Variants in MGRN1 observed in about 807,000 individuals in gnomAD.
MGRN1 encodes the protein mahogunin ring finger 1.
Under a neutral mutation model 69.2 loss-of-function variants are expected in MGRN1, and 29 were observed. That is an observed-to-expected ratio of 0.42 (90% CI 0.31 to 0.57). MGRN1 has a LOEUF of 0.57. Among genes scored for constraint, MGRN1 ranks in the 20% least tolerant of loss-of-function variants. The probability of loss-of-function intolerance (pLI) is 0.15; values close to 1 mark genes in which losing one functional copy is unlikely to be tolerated. For synonymous variants in MGRN1, 470 were observed against 344.2 expected (o/e 1.37, Z -4.04); for missense variants, 998 against 796.2 (o/e 1.25, Z -3.05).
intron 1 of MGRN1, among the ~76,000 whole-genome samples, chr16:4,644,744 T>A (rs568431233): frequency 6.6e-6 from 1 of 152,362 alleles, no homozygotes; most frequent in Non-Finnish European, 1.5e-5. Flanking sequence ...AATTAATGAT[T>A]CATCACCTCA....
chr16:4,683,299 G>A (rs377214023), intron 15 of MGRN1, 30 bp downstream of exon 15: 42 of 1,612,244 alleles, frequency 2.6e-5, no homozygotes, highest in African/African-American at 5.3e-5. Flanking sequence ...GGCACAAACC[G>A]CATGCAGGGA....
At chr16:4,677,652 A>G in intron 11 of MGRN1, 80 bp downstream of exon 11, 1 of 1,337,628 alleles carries the variant, frequency 7.5e-7, no homozygotes, top group Non-Finnish European at 1.0e-6. Context: ...CAGACGGTCC[A>G]GCCAGCAGCC....
rs765781584 is a variant in MGRN1 at position 4,652,831 on chromosome 16, C to A, written c.443+7C>A. The A allele has an allele frequency of 1.3e-6, 2 of 1,590,980 alleles. No individual in the cohort carries two copies. The highest frequency in any genetic ancestry group is 1.3e-5 in the African/African-American group (1 of 74,544). On this transcript the variant is annotated splice_region_variant and intron_variant, in intron 4 of 16. Coordinates refer to ENST00000262370, the MANE Select transcript of MGRN1 (RefSeq NM_015246.4). ...TCCTGAACGGCAGGGCAGTGTGAGTCCCGCGGGCGGCTGGCACCGGCCTGG... is the reference window on the plus strand; with the variant it reads ...TCCTGAACGGCAGGGCAGTGTGAGTACCGCGGGCGGCTGGCACCGGCCTGG...
chr16:4,646,548 C>T (rs2078278238), intron 1 of MGRN1, among the ~76,000 whole-genome samples: 1 of 152,126 alleles, frequency 6.6e-6, no homozygotes, highest in East Asian at 1.9e-4. Flanking sequence ...CTCAGGTCCT[C>T]CCCTCGGGAC....
At position 4,627,080 on chromosome 16, in the gene MGRN1, G is replaced by T. The variant is rs80092895; in HGVS notation, c.88+2032G>T. 9.4e-3 allele frequency among the ~76,000 whole-genome samples: 1,435 copies of T among 152,310 alleles called. 18 individuals are homozygous for T. The highest frequency in any genetic ancestry group is 0.032 in the African/African-American group (1,335 of 41,554). ...CTCCTGTCTCCTTAATGAGAACTCC[G>T]TCAGGTCAAGGGTGGGAGGCAGGCC... On this transcript the variant is annotated intron_variant, in intron 1 of 16. Coordinates refer to ENST00000262370, the MANE Select transcript of MGRN1 (RefSeq NM_015246.4).
chr16:4,673,507 G>T lies in MGRN1; in HGVS notation c.805G>T (p.Asp269Tyr), dbSNP rs753220982. 1 of 1,612,646 alleles carries T rather than the reference G, an allele frequency of 6.2e-7. No homozygotes were observed. Among genetic ancestry groups the T allele is most frequent in the Non-Finnish European group, 8.5e-7 (1 of 1,179,928 alleles). ...KNNQETKPSD[D>Y]ENSDNSNECV... is the part of the protein sequence containing the mutation. ...GCCCTTGTCCCGGCAGCCCTCGGAC[G>T]ACGAGAACAGCGACAACAGCAACGA... The change falls in exon 10 of 17, where the codon GAC (aspartate) becomes TAC (tyrosine). Residue 269 changes from aspartate (D) to tyrosine (Y), a missense_variant. Physicochemically the swap from Asp to Tyr is radical, Grantham distance 160. Transcript: ENST00000262370.
In MGRN1 at chr16:4,665,479, C is replaced by T. The variant is rs149628605; in HGVS notation, c.678+328C>T. Among the ~76,000 whole-genome samples, 180 of 151,784 alleles carry T rather than the reference C, an allele frequency of 1.2e-3. 2 individuals carry two copies. The highest frequency in any genetic ancestry group is 4.0e-3 in the African/African-American group (164 of 41,334). ...TGCCTCCTGGGTTCAAGCGATTCTC[C>T]CACCTCAACCTCCCGAGTACCTGGG... On this transcript the variant is annotated intron_variant, in intron 7 of 16. Coordinates refer to ENST00000262370, the MANE Select transcript of MGRN1 (RefSeq NM_015246.4).
intron 4 of MGRN1, among the ~76,000 whole-genome samples, chr16:4,653,206 T>C (rs1233642868): frequency 1.3e-5 from 2 of 152,196 alleles, no homozygotes; most frequent in African/African-American, 4.8e-5. Flanking sequence ...GAGTTGCTAG[T>C]GTGGCTCACA....
intron 9 of MGRN1, 121 bp from the exon 10 acceptor site, chr16:4,673,377 T>C: frequency 7.4e-7 from 1 of 1,347,864 alleles, no homozygotes; most frequent in Non-Finnish European, 1.0e-6. Flanking sequence ...CCTCTGGACT[T>C]CTCTTTGTCA....
At chr16:4,638,116 C>G (rs2078071351) in intron 1 of MGRN1, among the ~76,000 whole-genome samples, 1 of 152,144 alleles carries the variant, frequency 6.6e-6, no homozygotes, top group South Asian at 2.1e-4. Context: ...TGTTAATTGG[C>G]ATTTTTTATC....
chr16:4,681,722 A>G lies in MGRN1; in HGVS notation c.1304A>G (p.His435Arg). Residue 435 changes from histidine to arginine, a missense_variant, in exon 13 of 17, where the codon CAC (histidine) becomes CGC (arginine). Transcript: ENST00000262370. The part of the protein sequence containing the change: ...QASCPLAAID[H>R]ILDSSRQKGR... Reference sequence around the variant, plus strand: ...AGCTGTCCCCTCGCGGCTATCGACCACATCCTGGACAGCAGCCGCCAGAAG... The same window carrying G: ...AGCTGTCCCCTCGCGGCTATCGACCGCATCCTGGACAGCAGCCGCCAGAAG... 6.2e-7 allele frequency: 1 copy of G among 1,612,996 alleles called. No homozygotes were observed. The highest frequency in any genetic ancestry group is 1.3e-5 in the African/African-American group (1 of 75,060).
At chr16:4,637,049 G>C (rs142528995) in intron 1 of MGRN1, among the ~76,000 whole-genome samples, 1,682 of 149,274 alleles carry the variant, frequency 0.011, 31 homozygotes, top group African/African-American at 0.039. Flanking sequence ...AACCTGGGAG[G>C]TGGAGCTTGC....
chr16:4,662,492 G>A (rs927534910), intron 5 of MGRN1, among the ~76,000 whole-genome samples: 59 of 151,648 alleles, frequency 3.9e-4, no homozygotes, highest in African/African-American at 1.4e-3. Context: ...CTCCATCCTG[G>A]GTAACAGATC....
At chr16:4,665,285 G>A in intron 7 of MGRN1, 134 bp downstream of exon 7, 1 of 889,124 alleles carries the variant, frequency 1.1e-6, no homozygotes, top group Non-Finnish European at 1.8e-6. Context: ...GGGCAGGTTG[G>A]GGCGTGTCTG....
chr16:4,663,365 G>GC (rs1350130864), intron 5 of MGRN1, among the ~76,000 whole-genome samples: 1 of 61,804 alleles, frequency 1.6e-5, no homozygotes, highest in African/African-American at 5.8e-5. Context: ...ACCTGGCCTT[G>GC]TTTTTTTTTT....
chr16:4,685,608 C>T (rs998007766), intron 16 of MGRN1, among the ~76,000 whole-genome samples: 1 of 152,242 alleles, frequency 6.6e-6, no homozygotes, highest in African/African-American at 2.4e-5. Context: ...CCACGGAGAG[C>T]ACATGTGCCT....
chr16:4,688,754 G>C, intron 16 of MGRN1, 42 bp from the exon 17 acceptor site: 1 of 1,513,144 alleles, frequency 6.6e-7, no homozygotes, highest in Non-Finnish European at 8.9e-7. Flanking sequence ...CGTGGCACCA[G>C]GCATCCGAGT....
At chr16:4,687,001 A>G in intron 16 of MGRN1, 2 of 985,514 alleles carry the variant, frequency 2.0e-6, no homozygotes, top group Non-Finnish European at 2.4e-6. Context: ...CCGCTCACAC[A>G]GCCACCTGCT....
At position 4,659,675 on chromosome 16, in the gene MGRN1, G is replaced by A. The variant is rs925402812; in HGVS notation, c.561+2312G>A. ...CTGTGGATGGCCACGCTGAGTTGGC[G>A]CACATAAGGGGCAGCTGCTGCTGCG... On this transcript the variant is annotated intron_variant, in intron 5 of 16. Transcript: ENST00000262370. 2.6e-4 allele frequency among the ~76,000 whole-genome samples: 40 copies of A among 152,270 alleles called. 1 individual carries two copies. Among genetic ancestry groups the A allele is most frequent in the East Asian group, 7.7e-4 (4 of 5,202 alleles).
Sources: gnomAD v4.1 joint callset for allele counts (sites outside exome capture counted in the v4.1 genomes callset) on GRCh38, gnomAD v4.1.1 for gene constraint, MANE v1.5 for transcripts, NCBI Gene and HGNC (gene_info 2026-07-23, HGNC 2026-07-21) for gene names.